ZNF207: variants seen among roughly 807,000 people sequenced by gnomAD.
ZNF207 encodes BUB3-interacting and GLEBS motif-containing protein ZNF207.
A neutral mutation model predicts 60.2 loss-of-function variants in ZNF207; 24 were observed. The observed-to-expected ratio is 0.40, with a 90% CI of 0.29 to 0.56. ZNF207 has a LOEUF of 0.56. Ranked by LOEUF, ZNF207 falls within the 20% of genes least tolerant of loss-of-function variation. The pLI, the probability that ZNF207 is intolerant of heterozygous loss-of-function variation, is 0.49. For missense variants in ZNF207, 452 were observed against 636.6 expected (o/e 0.71, Z 3.12); for synonymous variants, 236 against 194.7 (o/e 1.21, Z -1.77).
chr17:32,369,552 A>G, intron 11 of ZNF207, 47 bp from the exon 12 acceptor site: 1 of 1,579,030 alleles, frequency 6.3e-7, no homozygotes, highest in Non-Finnish European at 8.6e-7. Flanking sequence ...TTAAAAGTAC[A>G]ATGCGTTAAC....
rs1437786089 is a variant in ZNF207 at position 32,371,836 on chromosome 17, T to A, written c.*2077T>A. ...TTTCATAGTTTGAAAATAAAACAGG[T>A]ATTTTGCCAGTAATGTATTTCTTTC... On this transcript the variant is annotated 3_prime_UTR_variant, in exon 12 of 12. Transcript: ENST00000394670. 6.6e-6 allele frequency: 1 copy of A among 152,194 alleles called. No homozygotes were observed. Among genetic ancestry groups the A allele is most frequent in the Non-Finnish European group, 1.5e-5 (1 of 68,044 alleles). The allele number at this position is 152,194 out of a possible 1,614,324, so 9.4% of individuals were successfully genotyped here.
In ZNF207 at chr17:32,366,685, C is replaced by T. The variant is rs1335496299; in HGVS notation, c.849C>T (p.Ser283=). ...TACAGATGGGGACACCTGTCACAAG[C>T]TCAAGTACAGCTTCATCCAATTCAG... The part of the protein sequence containing the change: ...SAGQMGTPVT[S]SSTASSNSES... The change falls in exon 9 of 12, where the codon AGC becomes AGT. Residue 283 remains serine, a synonymous_variant. Transcript: ENST00000394670. 6.2e-7 allele frequency: 1 copy of T among 1,610,138 alleles called. No individual in the cohort carries two copies. Among genetic ancestry groups the T allele is most frequent in the Admixed American group, 1.7e-5 (1 of 59,214 alleles).
In ZNF207 at chr17:32,350,165, T is replaced by C. The variant is rs749858561; in HGVS notation, c.-121T>C. The stretch of plus-strand genomic sequence containing the variant: ...GAGCGGGGAACGAGGCCGTCGGCCA[T>C]TTTGTGTCTGCTTCCTGTGGGACGT... On this transcript the variant is annotated 5_prime_UTR_variant, in exon 1 of 12. Transcript: ENST00000394670. 1.4e-6 allele frequency: 2 copies of C among 1,471,368 alleles called. No individual in the cohort carries two copies. Among genetic ancestry groups the C allele is most frequent in the Non-Finnish European group, 1.9e-6 (2 of 1,061,644 alleles). The allele number at this position is 1,471,368 out of a possible 1,614,324, so 91.1% of individuals were successfully genotyped here.
chr17:32,367,506 G>A lies in ZNF207; in HGVS notation c.922-266G>A, dbSNP rs568379152. 2.0e-5 allele frequency among the ~76,000 whole-genome samples: 3 copies of A among 151,580 alleles called. No homozygotes were observed. In the South Asian group the frequency reaches 6.3e-4, roughly 32 times the overall value. On this transcript the variant is annotated intron_variant, in intron 9 of 11. Coordinates refer to ENST00000394670, the MANE Select transcript of ZNF207 (RefSeq NM_001098507.2). Reference sequence around the variant, plus strand: ...CAAAGCATTGTAAATTTAATTTTTGGTGAGGAGGTAGAAGACATCTAACAA... The same window carrying A: ...CAAAGCATTGTAAATTTAATTTTTGATGAGGAGGTAGAAGACATCTAACAA...
At position 32,360,823 on chromosome 17, in the gene ZNF207, G is replaced by A. The variant is rs144360669; in HGVS notation, c.475+58G>A. 9.4e-4 allele frequency: 1,514 copies of A among 1,611,706 alleles called. 12 individuals are homozygous for A. In the African/African-American group the frequency reaches 0.018, roughly 19 times the overall value. ...TTTAGGACATTATTGATATTGTATC[G>A]AAGTATTACTTTCTTCCCTCTAACT... On this transcript the variant is annotated intron_variant, in intron 4 of 11. Coordinates refer to ENST00000394670, the MANE Select transcript of ZNF207 (RefSeq NM_001098507.2).
chr17:32,354,769 G>A (rs1222996272), intron 2 of ZNF207, among the ~76,000 whole-genome samples: 2 of 151,804 alleles, frequency 1.3e-5, no homozygotes, highest in Admixed American at 1.3e-4. Context: ...GCCTGCCATT[G>A]TGCCTAGCTA....
At position 32,378,639 on chromosome 17, in the gene ZNF207, C is replaced by T. The variant is rs1464092058; in HGVS notation, c.*8880C>T. ...AAATGTAGCTAGATTCTTTATGTAA[C>T]ACTTTTGAGGGGCAGTGGGGACATA... On this transcript the variant is annotated 3_prime_UTR_variant, in exon 12 of 12. Coordinates refer to ENST00000394670, the MANE Select transcript of ZNF207 (RefSeq NM_001098507.2). The T allele has an allele frequency of 6.6e-6, 1 of 151,938 alleles. No homozygotes were observed. The highest frequency in any genetic ancestry group is 1.5e-5 in the Non-Finnish European group (1 of 67,908). The allele number at this position is 151,938 out of a possible 1,614,324, so 9.4% of individuals were successfully genotyped here.
rs771194446 is a variant in ZNF207 at position 32,350,327 on chromosome 17, G to A, written c.41+1G>A. 1.9e-6 allele frequency: 3 copies of A among 1,614,116 alleles called. No individual in the cohort carries two copies. The highest frequency in any genetic ancestry group is 1.1e-5 in the South Asian group (1 of 91,080). On this transcript the variant is annotated splice_donor_variant, in intron 1 of 11. Transcript: ENST00000394670. LOFTEE classifies it high-confidence loss of function. ...AGAAGCAGCTGAAGCCGTGGTGCTG[G>A]TATCCTTTGTCGGTTTGAAGTCGAG...
In ZNF207 at chr17:32,369,466, T is replaced by C. The variant is rs768212272; in HGVS notation, c.1324+12T>C. 3.1e-6 allele frequency: 5 copies of C among 1,611,542 alleles called. No individual in the cohort carries two copies. The South Asian group carries it at 5.5e-5, about 18-fold the overall frequency. The stretch of plus-strand genomic sequence containing the variant: ...AATGCCACCTCATGGTATTCCTCTT[T>C]TTATGTTTTTCATATTTAGTGGATT... On this transcript the variant is annotated intron_variant, in intron 11 of 11. Coordinates refer to ENST00000394670, the MANE Select transcript of ZNF207 (RefSeq NM_001098507.2).
At chr17:32,355,059 A>G (rs777155702) in intron 2 of ZNF207, among the ~76,000 whole-genome samples, 3 of 152,210 alleles carry the variant, frequency 2.0e-5, no homozygotes, top group African/African-American at 4.8e-5. Flanking sequence ...GATATGGGGT[A>G]TAAGAAAAAG....
At position 32,362,903 on chromosome 17, in the gene ZNF207, C is replaced by T; in HGVS notation, c.600-11C>T. 6.2e-7 allele frequency: 1 copy of T among 1,612,194 alleles called. No individual in the cohort carries two copies. The highest frequency in any genetic ancestry group is 8.5e-7 in the Non-Finnish European group (1 of 1,179,468). ...TTAACTTACTGTTTCTTGAAATTTG[C>T]TTTCTAATAGAATGATGCCAATGGG... On this transcript the variant is annotated splice_polypyrimidine_tract_variant and intron_variant, in intron 6 of 11. Coordinates refer to ENST00000394670, the MANE Select transcript of ZNF207 (RefSeq NM_001098507.2).
In ZNF207 at chr17:32,379,968, T is replaced by C. The variant is rs1365546648; in HGVS notation, c.*10209T>C. On this transcript the variant is annotated 3_prime_UTR_variant, in exon 12 of 12. Transcript: ENST00000394670. ...TTACATTCTGTTTCCTCCTGTGATC[T>C]TTCTGAACCAATAATAAACAGTCAA... 6.6e-6 allele frequency: 1 copy of C among 152,246 alleles called. No homozygotes were observed. Among genetic ancestry groups the C allele is most frequent in the Non-Finnish European group, 1.5e-5 (1 of 68,028 alleles). 9.4% of individuals were successfully genotyped at this position (152,246 alleles called of 1,614,324 possible).
chr17:32,355,752 GA>G (rs1219117717), intron 2 of ZNF207, among the ~76,000 whole-genome samples: 3 of 152,194 alleles, frequency 2.0e-5, no homozygotes, highest in Non-Finnish European at 4.4e-5. Flanking sequence ...TGAAAGGTAG[GA>G]AAACCAAGAG....
rs918715789 is a variant in ZNF207 at position 32,373,722 on chromosome 17, T to G, written c.*3963T>G. 3.4e-6 allele frequency: 1 copy of G among 297,772 alleles called. No individual in the cohort carries two copies. Among genetic ancestry groups the G allele is most frequent in the Non-Finnish European group, 6.1e-6 (1 of 164,556 alleles). The allele number at this position is 297,772 out of a possible 1,614,324, so 18.4% of individuals were successfully genotyped here. A position where few individuals can be genotyped will look rare whatever the true frequency, so the allele number is the denominator to read the frequency against. On this transcript the variant is annotated 3_prime_UTR_variant, in exon 12 of 12. Transcript: ENST00000394670. ...TTCAGTAAAGCTTGTGTTCCTATAT[T>G]GAACTTCAATAAATTGACAAAATTT...
rs557587105 is a variant in ZNF207 at position 32,363,802 on chromosome 17, A to G, written c.670+818A>G. On this transcript the variant is annotated intron_variant, in intron 7 of 11. Coordinates refer to ENST00000394670, the MANE Select transcript of ZNF207 (RefSeq NM_001098507.2). ...TGCCTTGGCCTCCCGAAGTGCTGGG[A>G]TTACAGGCGTGAGCCACTGTGCCCA... 9.9e-5 allele frequency among the ~76,000 whole-genome samples: 15 copies of G among 152,170 alleles called. No homozygotes were observed. In the East Asian group the frequency reaches 2.7e-3, roughly 27 times the overall value.
chr17:32,358,704 C>T (rs1438210726), intron 3 of ZNF207, 63 bp downstream of exon 3: 7 of 1,196,590 alleles, frequency 5.8e-6, no homozygotes, highest in Non-Finnish European at 6.4e-6. Context: ...TTTTTTGAGA[C>T]AGAGGCTTAC....
chr17:32,360,911 A>C lies in ZNF207; in HGVS notation c.495A>C (p.Pro165=), dbSNP rs1223168460. 1 of 1,613,988 alleles carries C rather than the reference A, an allele frequency of 6.2e-7. No individual in the cohort carries two copies. The highest frequency in any genetic ancestry group is 2.2e-5 in the East Asian group (1 of 44,902). Residue 165 remains proline (P), a synonymous_variant, in exon 5 of 12, where the codon CCA becomes CCC. Transcript: ENST00000394670. ...GMPPGIPPLM[P]GVPPLMPGMP... Reference sequence around the variant, plus strand: ...TTGTAGGCATACCTCCATTAATGCCAGGTGTTCCTCCTCTGATGCCAGGAA... The same window carrying C: ...TTGTAGGCATACCTCCATTAATGCCCGGTGTTCCTCCTCTGATGCCAGGAA...
At chr17:32,350,956 T>C (rs1008345228) in intron 1 of ZNF207, 16 of 152,078 alleles carry the variant, frequency 1.1e-4, no homozygotes. Context: ...TACCCAACTT[T>C]GTAGGACTAA....
At chr17:32,369,184 G>C in intron 10 of ZNF207, 111 bp from the exon 11 acceptor site, 1 of 1,220,984 alleles carries the variant, frequency 8.2e-7, no homozygotes, top group Non-Finnish European at 1.1e-6. Context: ...GGGATGTAAG[G>C]GTAAATTTTT....
Sources: gnomAD v4.1 joint callset for allele counts (sites outside exome capture counted in the v4.1 genomes callset) on GRCh38, gnomAD v4.1.1 for gene constraint, MANE v1.5 for transcripts, NCBI Gene and HGNC (gene_info 2026-07-23, HGNC 2026-07-21) for gene names.